JOSD1: variants seen among roughly 807,000 people sequenced by gnomAD.
The protein encoded by JOSD1 is josephin-1.
Under a neutral mutation model 24.3 loss-of-function variants are expected in JOSD1, and 11 were observed. The observed-to-expected ratio is 0.45, with a 90% CI of 0.29 to 0.75. The LOEUF (loss-of-function observed/expected upper bound fraction) is 0.75. Ranked by LOEUF, JOSD1 falls within the 30% of genes least tolerant of loss-of-function variation. The pLI is 0.11. For synonymous variants in JOSD1, 106 were observed against 93.8 expected, an observed-to-expected ratio of 1.13 and a Z score of -0.75; for missense variants, 184 against 253.5, an observed-to-expected ratio of 0.73 and a Z score of 1.86.
chr22:38,695,444 GTT>G (rs536648160), intron 2 of JOSD1, among the ~76,000 whole-genome samples: 54,397 of 112,456 alleles, frequency 0.48, 10,209 homozygotes, highest in Admixed American at 0.58. Flanking sequence ...TTTTTGCCTA[GTT>G]TTTTTTTTTT....
At chr22:38,696,999 T>C (rs2092548814) in intron 2 of JOSD1, among the ~76,000 whole-genome samples, 1 of 152,238 alleles carries the variant, frequency 6.6e-6, no homozygotes, top group Non-Finnish European at 1.5e-5. Flanking sequence ...AGGTCCAAAT[T>C]GATCACTTTT....
upstream of JOSD1, chr22:38,701,134 G>T: frequency 3.2e-6 from 1 of 312,850 alleles, no homozygotes; most frequent in Non-Finnish European, 4.7e-6. Flanking sequence ...TCAACGGTTG[G>T]GGTGTTGCAA....
intron 2 of JOSD1, among the ~76,000 whole-genome samples, chr22:38,692,503 G>C (rs1422846934): frequency 2.0e-5 from 3 of 152,138 alleles, no homozygotes; most frequent in African/African-American, 7.2e-5. Context: ...ACACTGCCAG[G>C]TGCAGTGGCT....
chr22:38,701,073 T>C (rs1270355394), upstream of JOSD1: 5 of 793,504 alleles, frequency 6.3e-6, no homozygotes, highest in East Asian at 1.3e-4. Flanking sequence ...AAGTCTGACG[T>C]CATCGGCACC....
chr22:38,694,628 C>T (rs2092536909), intron 2 of JOSD1, among the ~76,000 whole-genome samples: 1 of 151,862 alleles, frequency 6.6e-6, no homozygotes, highest in South Asian at 2.1e-4. Flanking sequence ...TCTGGGAGGC[C>T]GAGGTGGACG....
In JOSD1 at chr22:38,687,399, T is replaced by A. The variant is rs1331362507; in HGVS notation, c.*503A>T. ...GATAAGGGTTGGAGACAGCATGCTG[T>A]ACCGCTGCTAGGGTTTTGGACATGG... On this transcript the variant is annotated 3_prime_UTR_variant, in exon 5 of 5. Coordinates refer to ENST00000683374, the MANE Select transcript of JOSD1 (RefSeq NM_001360236.2). 6.4e-6 allele frequency: 1 copy of A among 155,986 alleles called. No individual in the cohort carries two copies. Among genetic ancestry groups the A allele is most frequent in the Non-Finnish European group, 1.4e-5 (1 of 70,678 alleles). 9.7% of individuals were successfully genotyped at this position (155,986 alleles called of 1,614,324 possible).
chr22:38,698,929 G>C (rs998137815), intron 2 of JOSD1, among the ~76,000 whole-genome samples: 1 of 152,056 alleles, frequency 6.6e-6, no homozygotes, highest in Non-Finnish European at 1.5e-5. Flanking sequence ...GCTAATTTTT[G>C]TATTTTTAGT....
At chr22:38,692,807 A>G (rs1176846329) in intron 2 of JOSD1, among the ~76,000 whole-genome samples, 1 of 147,846 alleles carries the variant, frequency 6.8e-6, no homozygotes, top group African/African-American at 2.5e-5. Context: ...AAAAAAAAAG[A>G]AAGAAAAAAA....
chr22:38,694,006 C>T (rs901386640), intron 2 of JOSD1, among the ~76,000 whole-genome samples: 4 of 152,176 alleles, frequency 2.6e-5, no homozygotes, highest in African/African-American at 9.7e-5. Flanking sequence ...CACTAAATCC[C>T]TGGATAGTTT....
At chr22:38,688,902 C>A in intron 4 of JOSD1, 33 bp downstream of exon 4, 1 of 1,585,982 alleles carries the variant, frequency 6.3e-7, no homozygotes, top group Non-Finnish European at 8.6e-7. Context: ...AATGAAGCAG[C>A]CTAGCAACTT....
chr22:38,691,361 A>G (rs1418069358), intron 2 of JOSD1, among the ~76,000 whole-genome samples: 1 of 150,412 alleles, frequency 6.6e-6, no homozygotes, highest in Admixed American at 6.6e-5. Context: ...TGTCTCAAAA[A>G]AAAAGAAAAA....
Position 38,688,945 on chromosome 22 carries a change from T to C in JOSD1, c.499A>G (p.Ser167Gly). ...AAAGGTGCCGATTACCTGAGCTCGC[T>C]CTCGCCTCCAATCCACTCGGGCATC... The part of the protein sequence containing the change: ...LKMPEWIGGE[S>G]ELRKFLKHHL... The change falls in exon 4 of 5, where the codon AGC (serine) becomes GGC (glycine). Residue 167 changes from serine to glycine, a missense_variant. By Grantham distance (56) the Ser-to-Gly change is moderately conservative. Coordinates refer to ENST00000683374, the MANE Select transcript of JOSD1 (RefSeq NM_001360236.2). 1 of 1,613,520 alleles carries C rather than the reference T, an allele frequency of 6.2e-7. No individual in the cohort carries two copies. Among genetic ancestry groups the C allele is most frequent in the Non-Finnish European group, 8.5e-7 (1 of 1,179,680 alleles).
chr22:38,699,072 G>A (rs2092556843), intron 2 of JOSD1, among the ~76,000 whole-genome samples: 1 of 152,144 alleles, frequency 6.6e-6, no homozygotes. Context: ...TTAACCTGTG[G>A]GGTGGCATTT....
At chr22:38,694,859 GTC>G (rs1322465207) in intron 2 of JOSD1, among the ~76,000 whole-genome samples, 5 of 97,050 alleles carry the variant, frequency 5.2e-5, no homozygotes, top group African/African-American at 1.9e-4. Context: ...GAGAGACTCA[GTC>G]TCAAAAAAAA....
chr22:38,700,529 G>C lies in JOSD1; in HGVS notation c.-542C>G, dbSNP rs1301056493. The C allele has an allele frequency of 2.0e-6, 2 of 986,026 alleles. No homozygotes were observed. The highest frequency in any genetic ancestry group is 1.7e-5 in the African/African-American group (1 of 57,236). 61.1% of individuals were successfully genotyped at this position (986,026 alleles called of 1,614,324 possible). A position where few individuals can be genotyped will look rare whatever the true frequency, so the allele number is the denominator to read the frequency against. ...GGACCGCGAGCCGCGCGGGGGCCTCGGGGGCAGCCCTCCATCCCCTCGGGT... is the reference window on the plus strand; with the variant it reads ...GGACCGCGAGCCGCGCGGGGGCCTCCGGGGCAGCCCTCCATCCCCTCGGGT... On this transcript the variant is annotated 5_prime_UTR_variant, in exon 2 of 5. Coordinates refer to ENST00000683374, the MANE Select transcript of JOSD1 (RefSeq NM_001360236.2).
chr22:38,690,715 T>C (rs1026031361), intron 2 of JOSD1, among the ~76,000 whole-genome samples: 1 of 152,056 alleles, frequency 6.6e-6, no homozygotes. Context: ...ATACTGGTAT[T>C]TTTCAAATAT....
In JOSD1 at chr22:38,689,412, G is replaced by A; in HGVS notation, c.198C>T (p.Asn66=). 3.1e-6 allele frequency: 5 copies of A among 1,614,216 alleles called. No individual in the cohort carries two copies. Among genetic ancestry groups the A allele is most frequent in the Non-Finnish European group, 4.2e-6 (5 of 1,180,046 alleles). The change falls in exon 3 of 5, where the codon AAC becomes AAT. Residue 66 remains asparagine, a synonymous_variant. Transcript: ENST00000683374. ...LQEIFQRLSP[N]TMVTPHKKSM... ...TCTTCTTGTGAGGTGTCACCATGGT[G>A]TTTGGAGACAACCTACCAATGTGAA... is the stretch of plus-strand genomic sequence containing the variant.
At chr22:38,692,403 C>T (rs748136158) in intron 2 of JOSD1, among the ~76,000 whole-genome samples, 3 of 152,058 alleles carry the variant, frequency 2.0e-5, no homozygotes, top group Admixed American at 2.0e-4. Flanking sequence ...GAAGAGAGGC[C>T]AGCTACATCC....
chr22:38,697,583 AG>A (rs1365650466), intron 2 of JOSD1, among the ~76,000 whole-genome samples: 1 of 152,274 alleles, frequency 6.6e-6, no homozygotes, highest in Non-Finnish European at 1.5e-5. Flanking sequence ...CAGCAGCTGG[AG>A]GAACAGCTAC....
Sources: gnomAD v4.1 joint callset for allele counts (sites outside exome capture counted in the v4.1 genomes callset) on GRCh38, gnomAD v4.1.1 for gene constraint, MANE v1.5 for transcripts, NCBI Gene and HGNC (gene_info 2026-07-23, HGNC 2026-07-21) for gene names.